FRMPD2: variants seen among roughly 807,000 people sequenced by gnomAD.
FRMPD2 encodes the protein FERM and PDZ domain containing 2.
Under a neutral mutation model 140.1 loss-of-function variants are expected in FRMPD2, and 96 were observed. The observed-to-expected ratio is 0.69, with a 90% confidence interval of 0.58 to 0.81. The LOEUF (loss-of-function observed/expected upper bound fraction) is 0.81, where lower values mean the gene tolerates loss of function less well. Ranked by LOEUF, FRMPD2 falls within the 40% of genes least tolerant of loss-of-function variation. The pLI is 0.00. For synonymous variants in FRMPD2, 449 were observed against 547.6 expected, an observed-to-expected ratio of 0.82 and a Z score of 2.52; for missense variants, 1,240 against 1,447.4, an observed-to-expected ratio of 0.86 and a Z score of 2.32.
At chr10:48,267,842 A>G (rs1056411152) in intron 1 of FRMPD2, among the ~76,000 whole-genome samples, 1 of 152,248 alleles carries the variant, frequency 6.6e-6, no homozygotes, top group African/African-American at 2.4e-5. Flanking sequence ...TACATTCTAC[A>G]GCATGCATGA....
rs376296346 is a variant in FRMPD2 at position 48,240,352 on chromosome 10, G to A, written c.700+8C>T. 240 of 1,610,554 alleles carry A rather than the reference G, an allele frequency of 1.5e-4. 1 individual carries two copies. The highest frequency in any genetic ancestry group is 6.7e-5 in the African/African-American group (5 of 75,034). On this transcript the variant is annotated splice_region_variant and intron_variant, in intron 6 of 28. Transcript: ENST00000374201. Reference sequence around the variant, plus strand: ...CCCACGCAGGGACTGCTTAGGGCACGTACCCACCTCTGCAAGGATGCAGAC... The same window carrying A: ...CCCACGCAGGGACTGCTTAGGGCACATACCCACCTCTGCAAGGATGCAGAC...
rs777607645 is a variant in FRMPD2 at position 48,184,913 on chromosome 10, T to C, written c.2360-32A>G. On this transcript the variant is annotated intron_variant, in intron 18 of 28. Transcript: ENST00000374201. ...TCCAAGATGATAGTCCATGATAAGA[T>C]GATACTTAGTGATTTTGCTGTTCAG... The C allele has an allele frequency of 2.1e-5, 31 of 1,508,768 alleles. No individual in the cohort carries two copies. In the South Asian group the frequency reaches 3.4e-4, roughly 16 times the overall value. The allele number at this position is 1,508,768 out of a possible 1,614,324, so 93.5% of individuals were successfully genotyped here. A position where few individuals can be genotyped will look rare whatever the true frequency, so the allele number is the denominator to read the frequency against.
intron 5 of FRMPD2, chr10:48,241,941 T>G (rs1682944844): frequency 5.7e-6 from 2 of 348,140 alleles, no homozygotes; most frequent in African/African-American, 2.1e-5. Context: ...TTGTTAGCAC[T>G]GCCCAATAGA....
intron 22 of FRMPD2, 40 bp downstream of exon 22, chr10:48,178,007 T>C (rs1480157820): frequency 9.9e-7 from 1 of 1,008,552 alleles, no homozygotes; most frequent in Non-Finnish European, 1.6e-6. Context: ...TAGACGGACA[T>C]CTTGTTAACT....
At chr10:48,246,409 T>C (rs1436003676) in intron 3 of FRMPD2, among the ~76,000 whole-genome samples, 1 of 152,160 alleles carries the variant, frequency 6.6e-6, no homozygotes, top group East Asian at 1.9e-4. Context: ...CATCCAAAAT[T>C]CTAAATTCAG....
Position 48,238,128 on chromosome 10 carries a change from C to T in FRMPD2, c.789-5G>A, listed in dbSNP as rs1196360820. 2 of 1,608,454 alleles carry T rather than the reference C, an allele frequency of 1.2e-6. No homozygotes were observed. Among genetic ancestry groups the T allele is most frequent in the Non-Finnish European group, 8.5e-7 (1 of 1,179,882 alleles). ...GGATCTGCTCCTGGAAGAGCGCTGGCCAGGGGTTGAGAAGGGGTGAAGCAC... is the reference window on the plus strand; with the variant it reads ...GGATCTGCTCCTGGAAGAGCGCTGGTCAGGGGTTGAGAAGGGGTGAAGCAC... On this transcript the variant is annotated splice_region_variant and splice_polypyrimidine_tract_variant and intron_variant, in intron 7 of 28. Coordinates refer to ENST00000374201, the MANE Select transcript of FRMPD2 (RefSeq NM_001018071.4).
intron 15 of FRMPD2, among the ~76,000 whole-genome samples, chr10:48,198,631 T>G (rs1839007756): frequency 6.6e-6 from 1 of 152,244 alleles, no homozygotes; most frequent in Non-Finnish European, 1.5e-5. Flanking sequence ...ATTGGTAGTT[T>G]GATAGGAATA....
intron 9 of FRMPD2, among the ~76,000 whole-genome samples, chr10:48,234,580 G>A (rs911151669): frequency 6.6e-6 from 1 of 152,164 alleles, no homozygotes; most frequent in Admixed American, 6.5e-5. Flanking sequence ...TAAAGCAACA[G>A]GGGCAAATGC....
intron 1 of FRMPD2, among the ~76,000 whole-genome samples, chr10:48,257,482 G>T (rs1452882673): frequency 6.6e-6 from 1 of 152,038 alleles, no homozygotes; most frequent in African/African-American, 2.4e-5. Context: ...GTTTCGCCAT[G>T]TTGGCCAGGC....
intron 14 of FRMPD2, among the ~76,000 whole-genome samples, chr10:48,203,988 C>T (rs753148622): frequency 2.6e-5 from 4 of 152,124 alleles, no homozygotes; most frequent in African/African-American, 7.2e-5. Context: ...GATTTGAAGG[C>T]TTTTCTAGAA....
rs1840379515 is a variant in FRMPD2 at position 48,251,465 on chromosome 10, A to C, written c.151+101T>G. The C allele has an allele frequency of 4.2e-6, 6 of 1,434,330 alleles. No homozygotes were observed. The East Asian group carries it at 1.4e-4, about 33-fold the overall frequency. 88.9% of individuals were successfully genotyped at this position (1,434,330 alleles called of 1,614,324 possible). On this transcript the variant is annotated intron_variant, in intron 2 of 28. Coordinates refer to ENST00000374201, the MANE Select transcript of FRMPD2 (RefSeq NM_001018071.4). ...AGCAGCAACCTTGTTCTGTGCTCTC[A>C]GAGGTTGATTTAAAAAAGCAGCAGC...
intron 10 of FRMPD2, among the ~76,000 whole-genome samples, chr10:48,227,099 G>A (rs1304956857): frequency 6.6e-6 from 1 of 152,232 alleles, no homozygotes; most frequent in South Asian, 2.1e-4. Context: ...GCTAAGAGAA[G>A]AAGGTAAAAA....
intron 1 of FRMPD2, among the ~76,000 whole-genome samples, chr10:48,254,992 G>A (rs1721174499): frequency 6.6e-6 from 1 of 152,174 alleles, no homozygotes; most frequent in Non-Finnish European, 1.5e-5. Flanking sequence ...CACTGAAAAG[G>A]GGATCATTAA....
chr10:48,203,824 C>G (rs1204988295), intron 14 of FRMPD2, among the ~76,000 whole-genome samples: 3 of 152,126 alleles, frequency 2.0e-5, no homozygotes, highest in Admixed American at 6.5e-5. Flanking sequence ...TGTTTTCACC[C>G]CAGTTGGTTA....
In FRMPD2 at chr10:48,206,891, C is replaced by T. The variant is rs767977967; in HGVS notation, c.1654G>A (p.Val552Ile). ...TCTGGCCTCCTCTTCTCTGAGAATA[C>T]TTGGTGAACCAGCACACCGTATTCT... ...LPEYGVLVHQ[V>I]FSEKRRPEEE... The change falls in exon 14 of 29, where the codon GTA becomes ATA. Residue 552 changes from valine (V) to isoleucine (I), a missense_variant. Val to Ile is a conservative substitution (Grantham distance 29, BLOSUM62 3). This residue lies in a region of FRMPD2 where 1,161 missense variants were observed against 1,055.9 expected (regional missense o/e 1.10). Coordinates refer to ENST00000374201, the MANE Select transcript of FRMPD2 (RefSeq NM_001018071.4). 1 of 1,614,058 alleles carries T rather than the reference C, an allele frequency of 6.2e-7. No individual in the cohort carries two copies. The highest frequency in any genetic ancestry group is 1.1e-5 in the South Asian group (1 of 91,076).
At chr10:48,274,729 G>GCTT, upstream of FRMPD2, 1 of 662,056 alleles carries the variant, frequency 1.5e-6, no homozygotes, top group Non-Finnish European at 2.7e-6. Flanking sequence ...CCCAGCGAGT[G>GCTT]AGTCAACAAG....
chr10:48,216,760 G>A (rs1478697145), intron 12 of FRMPD2, among the ~76,000 whole-genome samples: 1 of 152,158 alleles, frequency 6.6e-6, no homozygotes, highest in Non-Finnish European at 1.5e-5. Flanking sequence ...AAAAGCCAAG[G>A]CTCAGAGAGA....
intron 15 of FRMPD2, among the ~76,000 whole-genome samples, chr10:48,194,664 C>A (rs1214553416): frequency 1.3e-5 from 2 of 152,052 alleles, no homozygotes; most frequent in African/African-American, 4.8e-5. Flanking sequence ...CTGGAGAGTG[C>A]CTGGAGCCTG....
rs1839614647 is a variant in FRMPD2 at position 48,222,300 on chromosome 10, T to C, written c.1455+13A>G. ...AGTGACCCCACACAAAGGCCCCTGG[T>C]GTTCACCCCTACCTCCTTAGGGTAA... is the stretch of plus-strand genomic sequence containing the variant. On this transcript the variant is annotated intron_variant, in intron 12 of 28. Coordinates refer to ENST00000374201, the MANE Select transcript of FRMPD2 (RefSeq NM_001018071.4). 1 of 1,611,834 alleles carries C rather than the reference T, an allele frequency of 6.2e-7. No individual in the cohort carries two copies.
Sources: gnomAD v4.1 joint callset for allele counts (sites outside exome capture counted in the v4.1 genomes callset) on GRCh38, gnomAD v4.1.1 for gene constraint, gnomAD v4.1.1 regional missense constraint, MANE v1.5 for transcripts, NCBI Gene and HGNC (gene_info 2026-07-23, HGNC 2026-07-21) for gene names.